Variants in SMOX observed in about 807,000 individuals in gnomAD.
SMOX encodes flavin containing amine oxidase.
Under a neutral mutation model 51.0 loss-of-function variants are expected in SMOX, and 22 were observed. The ratio of observed to expected loss-of-function variants is 0.43; its 90% confidence interval spans 0.31 to 0.62. SMOX has a LOEUF of 0.62. SMOX is among the 20% of genes least tolerant of loss of function. The probability of loss-of-function intolerance (pLI) is 0.10; values close to 1 mark genes in which losing one functional copy is unlikely to be tolerated. For synonymous variants in SMOX, 282 were observed against 307.8 expected (o/e 0.92, Z 0.88); for missense variants, 566 against 777.7 (o/e 0.73, Z 3.24).
chr20:4,156,607 C>T (rs1986030595), intron 1 of SMOX, among the ~76,000 whole-genome samples: 1 of 152,162 alleles, frequency 6.6e-6, no homozygotes, highest in African/African-American at 2.4e-5. Context: ...TTCCTTTTCT[C>T]CCTGGTATTT....
At chr20:4,179,046 C>G (rs546106848) in intron 3 of SMOX, among the ~76,000 whole-genome samples, 1 of 152,260 alleles carries the variant, frequency 6.6e-6, no homozygotes, top group Non-Finnish European at 1.5e-5. Context: ...TTGGGGTGGT[C>G]CCTGCTCTAT....
At chr20:4,163,167 G>T (rs1986411237) in intron 1 of SMOX, among the ~76,000 whole-genome samples, 1 of 151,318 alleles carries the variant, frequency 6.6e-6, no homozygotes, top group East Asian at 1.9e-4. Context: ...TGGAACCTGA[G>T]CCTTGGCTGT....
intron 1 of SMOX, among the ~76,000 whole-genome samples, chr20:4,158,701 C>T (rs117941893): frequency 6.6e-6 from 1 of 152,220 alleles, no homozygotes; most frequent in East Asian, 1.9e-4. Context: ...CATGATGGGT[C>T]TCACTCAGTT....
intron 1 of SMOX, among the ~76,000 whole-genome samples, chr20:4,169,423 A>G (rs1386743265): frequency 1.3e-5 from 2 of 152,032 alleles, no homozygotes; most frequent in Non-Finnish European, 2.9e-5. Flanking sequence ...AGAGGGAGTG[A>G]TGTGCTGATT....
chr20:4,178,565 A>G (rs1979064673), intron 3 of SMOX, among the ~76,000 whole-genome samples: 1 of 152,272 alleles, frequency 6.6e-6, no homozygotes, highest in African/African-American at 2.4e-5. Context: ...AAGCAAAGTA[A>G]TGTGTAGGCC....
intron 1 of SMOX, among the ~76,000 whole-genome samples, chr20:4,173,427 C>T (rs185845952): frequency 6.6e-6 from 1 of 152,254 alleles, no homozygotes; most frequent in Admixed American, 6.5e-5. Context: ...AAGAATAGTC[C>T]GTGGTATGGA....
intron 1 of SMOX, among the ~76,000 whole-genome samples, chr20:4,158,058 G>A (rs560943377): frequency 2.7e-5 from 4 of 149,796 alleles, no homozygotes; most frequent in South Asian, 2.1e-4. Flanking sequence ...CCGCCACCAC[G>A]CCCGGCTAAT....
At chr20:4,160,750 G>A (rs561459632) in intron 1 of SMOX, among the ~76,000 whole-genome samples, 1 of 152,324 alleles carries the variant, frequency 6.6e-6, no homozygotes, top group Admixed American at 6.5e-5. Flanking sequence ...TGCTGGAAAA[G>A]GGTTTACAGT....
chr20:4,169,353 G>T (rs372511884), intron 1 of SMOX, among the ~76,000 whole-genome samples: 6 of 152,150 alleles, frequency 3.9e-5, no homozygotes, highest in African/African-American at 7.2e-5. Flanking sequence ...TCTTGGAAGG[G>T]TGTGGGGTAC....
chr20:4,160,638 G>A (rs374302951), intron 1 of SMOX, among the ~76,000 whole-genome samples: 3 of 152,212 alleles, frequency 2.0e-5, no homozygotes, highest in East Asian at 3.8e-4. Flanking sequence ...CTGGTGACTC[G>A]ATTTTTCTTT....
intron 1 of SMOX, among the ~76,000 whole-genome samples, chr20:4,154,074 C>T (rs370735864): frequency 2.6e-5 from 4 of 152,114 alleles, no homozygotes; most frequent in African/African-American, 4.8e-5. Context: ...AAATCTTGGG[C>T]GGCTTTGGCC....
At chr20:4,156,793 A>C (rs929253431) in intron 1 of SMOX, among the ~76,000 whole-genome samples, 3 of 152,050 alleles carry the variant, frequency 2.0e-5, no homozygotes, top group Middle Eastern at 3.2e-3. Context: ...CGCAGGCTGG[A>C]GTGCAGTGGC....
rs372589961 is a variant in SMOX, at chr20:4,181,953, G to A, written c.586G>A (p.Ala196Thr). 1.3e-5 allele frequency: 21 copies of A among 1,614,016 alleles called. No individual in the cohort carries two copies. Among genetic ancestry groups the A allele is most frequent in the East Asian group, 2.2e-5 (1 of 44,868 alleles). The change falls in exon 4 of 7, where the codon GCC becomes ACC. Residue 196 changes from alanine (A) to threonine (T), a missense_variant. This residue lies in a region of SMOX where 217 missense variants were observed against 278.4 expected (regional missense o/e 0.78). Coordinates refer to ENST00000305958, the MANE Select transcript of SMOX (RefSeq NM_175839.3). This position sits in a 1 kb window ranked among gnomAD's most constrained non-coding sequence, Gnocchi z 5.6. ...AGAGGCTACCAAGCGCCTGAAGCTC[G>A]CCATGATCCAGCAGTACCTGAAGGT... ...DPEATKRLKL[A>T]MIQQYLKVES... is the part of the protein sequence containing the mutation.
chr20:4,157,112 C>G (rs1286813058), intron 1 of SMOX, among the ~76,000 whole-genome samples: 1 of 152,174 alleles, frequency 6.6e-6, no homozygotes, highest in Non-Finnish European at 1.5e-5. Flanking sequence ...AAGTTCTCCC[C>G]AGCCTTTCAT....
At chr20:4,152,381 T>C (rs1985806615) in intron 1 of SMOX, among the ~76,000 whole-genome samples, 1 of 152,120 alleles carries the variant, frequency 6.6e-6, no homozygotes, top group South Asian at 2.1e-4. Flanking sequence ...CTCTTGCCTT[T>C]CTACCCACAG....
intron 3 of SMOX, among the ~76,000 whole-genome samples, chr20:4,179,381 T>C (rs976455304): frequency 5.9e-5 from 9 of 152,006 alleles, no homozygotes; most frequent in African/African-American, 2.2e-4. Flanking sequence ...GGATATGGAG[T>C]GGATATGGTG....
In SMOX at chr20:4,181,874, G is replaced by C. The variant is rs544113504; in HGVS notation, c.507G>C (p.Gly169=). 16 of 1,614,110 alleles carry C rather than the reference G, an allele frequency of 9.9e-6. No homozygotes were observed. In the African/African-American group the frequency reaches 2.0e-4, roughly 20 times the overall value. Reference sequence around the variant, plus strand: ...ATGCTGAAAGTCAAAATAGCGTGGGGGTGTTCACCCGAGAGGAGGTGCGTA... The same window carrying C: ...ATGCTGAAAGTCAAAATAGCGTGGGCGTGTTCACCCGAGAGGAGGTGCGTA... ...PVNAESQNSV[G]VFTREEVRNR... The change falls in exon 4 of 7, where the codon GGG becomes GGC. Residue 169 remains glycine, a synonymous_variant. Transcript: ENST00000305958. The surrounding 1 kb of genome is among the most constrained non-coding windows in gnomAD (Gnocchi z 5.6).
At position 4,167,232 on chromosome 20, in the gene SMOX, G is replaced by T. The variant is rs889028787; in HGVS notation, c.-26-7798G>T. On this transcript the variant is annotated intron_variant, in intron 1 of 6. Transcript: ENST00000305958. This position sits in a 1 kb window ranked among gnomAD's most constrained non-coding sequence, Gnocchi z 4.8. ...GTGCCTGCATGATGTCAGTGTCAAG[G>T]TCCAGCCTGATAGTAGGGTTGGGGC... Among the ~76,000 whole-genome samples the T allele has an allele frequency of 6.6e-6, 1 of 152,140 alleles. No homozygotes were observed.
intron 1 of SMOX, among the ~76,000 whole-genome samples, chr20:4,171,133 G>A (rs1460033509): frequency 2.0e-5 from 3 of 152,060 alleles, no homozygotes; most frequent in Admixed American, 6.6e-5. Context: ...GAAAGTACAG[G>A]GTGTTCTGTT....
Sources: allele counts gnomAD v4.1 joint callset (sites outside exome capture counted in the v4.1 genomes callset), GRCh38; gene constraint gnomAD v4.1.1; regional missense constraint gnomAD v4.1.1; non-coding constraint Gnocchi (gnomAD v3.1); transcripts MANE v1.5; gene names NCBI Gene and HGNC (gene_info 2026-07-23, HGNC 2026-07-21).